Variants in NBEAL1 observed in about 807,000 individuals in gnomAD.
The protein encoded by NBEAL1 is neurobeachin like 1.
In NBEAL1, 273 loss-of-function variants were observed where a neutral mutation model predicts 351.3. That is an observed-to-expected ratio of 0.78 (90% confidence interval 0.70 to 0.86). NBEAL1 has a LOEUF of 0.86. Ranked by LOEUF, NBEAL1 falls within the 40% of genes least tolerant of loss-of-function variation. The pLI, the probability that NBEAL1 is intolerant of heterozygous loss-of-function variation, is 0.00. For missense variants in NBEAL1, 2,961 were observed against 3,201.3 expected (o/e 0.92, Z 1.81); for synonymous variants, 1,050 against 1,086.4 (o/e 0.97, Z 0.66).
At position 203,144,586 on chromosome 2, in the gene NBEAL1, C is replaced by T. The variant is rs1223080925; in HGVS notation, c.4849-14C>T. The stretch of plus-strand genomic sequence containing the variant: ...TTTAGTCTGCTCTTTCTCATCTAAA[C>T]TGTTTTCCTCCAGGTTTGTGCAATG... On this transcript the variant is annotated splice_polypyrimidine_tract_variant and intron_variant, in intron 31 of 55. Transcript: ENST00000683969. 6.3e-7 allele frequency: 1 copy of T among 1,595,064 alleles called. No homozygotes were observed. The highest frequency in any genetic ancestry group is 8.5e-7 in the Non-Finnish European group (1 of 1,170,340).
intron 31 of NBEAL1, among the ~76,000 whole-genome samples, chr2:203,140,392 G>A (rs983766904): frequency 6.6e-6 from 1 of 151,676 alleles, no homozygotes; most frequent in African/African-American, 2.4e-5. Context: ...TAGCATTTTA[G>A]TACGTTACTT....
chr2:203,213,739 C>T, intron 55 of NBEAL1, 86 bp downstream of exon 55: 1 of 1,566,410 alleles, frequency 6.4e-7, no homozygotes, highest in Non-Finnish European at 8.6e-7. Flanking sequence ...GAGAAGTCAC[C>T]ATTAGGGATA....
intron 51 of NBEAL1, among the ~76,000 whole-genome samples, chr2:203,206,384 CTCCCTCTCCCTCTCTCCCTCTGTCCCTT>C (rs1475986302): frequency 9.2e-5 from 14 of 152,220 alleles, no homozygotes; most frequent in African/African-American, 3.4e-4. Flanking sequence ...GTCTCTCCCT[CTCCCTCTCCCTCTCTCCCTCTGTCCCTT>C]TCCCTCTCCC....
chr2:203,066,439 T>C (rs1276439853), intron 6 of NBEAL1, among the ~76,000 whole-genome samples: 1 of 152,152 alleles, frequency 6.6e-6, no homozygotes, highest in African/African-American at 2.4e-5. Flanking sequence ...GAATTTTTCT[T>C]AGTACAGAAC....
intron 17 of NBEAL1, among the ~76,000 whole-genome samples, chr2:203,115,379 C>T (rs995765030): frequency 6.6e-6 from 1 of 152,008 alleles, no homozygotes; most frequent in Non-Finnish European, 1.5e-5. Context: ...CCGCCTCAGC[C>T]TCTCTAAGTG....
Position 203,178,447 on chromosome 2 carries a change from G to A in NBEAL1, c.6465-1935G>A, listed in dbSNP as rs373013951. ...CTACCAAAGTGCTGGGATTACAGGC[G>A]TGAGCCACCTCACCTGGCCATACCC... is the stretch of plus-strand genomic sequence containing the variant. On this transcript the variant is annotated intron_variant, in intron 42 of 55. Transcript: ENST00000683969. Among the ~76,000 whole-genome samples, 11 of 152,174 alleles carry A rather than the reference G, an allele frequency of 7.2e-5. No individual in the cohort carries two copies. In the East Asian group the frequency reaches 1.5e-3, roughly 21 times the overall value.
Position 203,141,366 on chromosome 2 carries a change from ATTTTTTTTTTTTTTTT to A in NBEAL1, c.4848+2635_4848+2650del, listed in dbSNP as rs71034219. ...GATTATTATTATTATTATTATTATT[ATTTTTTTTTTTTTTTT>A]TTTTTTTTTTTTTTTTCAGATGGAG... is the stretch of plus-strand genomic sequence containing the variant. On this transcript the variant is annotated intron_variant, in intron 31 of 55. Coordinates refer to ENST00000683969, the MANE Select transcript of NBEAL1 (RefSeq NM_001378026.1). 8.8e-4 allele frequency among the ~76,000 whole-genome samples: 8 copies of A among 9,108 alleles called. 1 individual carries two copies. In the South Asian group the frequency reaches 0.032, roughly 36 times the overall value. 6.0% of individuals were successfully genotyped at this position (9,108 alleles called of 152,430 possible).
At chr2:203,127,995 C>G (rs1161330218) in intron 24 of NBEAL1, 58 bp downstream of exon 24, 1 of 1,265,800 alleles carries the variant, frequency 7.9e-7, no homozygotes, top group African/African-American at 1.5e-5. Flanking sequence ...GCTACATCAT[C>G]TTCTGAACGT....
chr2:203,173,252 GTAA>G (rs1288417596), intron 41 of NBEAL1, among the ~76,000 whole-genome samples: 1 of 152,068 alleles, frequency 6.6e-6, no homozygotes, highest in Non-Finnish European at 1.5e-5. Flanking sequence ...TGTGTTTTCA[GTAA>G]TAATGTGAAT....
At chr2:203,070,359 C>CTTTTTTT (rs34588218) in intron 7 of NBEAL1, among the ~76,000 whole-genome samples, 5 of 92,338 alleles carry the variant, frequency 5.4e-5, no homozygotes, top group African/African-American at 8.4e-5. Flanking sequence ...CTCTCTCTCT[C>CTTTTTTT]TTTTTTTTTT....
rs192911401 is a variant in NBEAL1 at position 203,031,122 on chromosome 2, A to G, written c.52-10643A>G. Reference sequence around the variant, plus strand: ...TTATTTCCTGATGTATGAATTGACCATACCAGGTTCTCATTGTTTTGAAAT... The same window carrying G: ...TTATTTCCTGATGTATGAATTGACCGTACCAGGTTCTCATTGTTTTGAAAT... On this transcript the variant is annotated intron_variant, in intron 2 of 55. Coordinates refer to ENST00000683969, the MANE Select transcript of NBEAL1 (RefSeq NM_001378026.1). Among the ~76,000 whole-genome samples the G allele has an allele frequency of 6.6e-4, 100 of 152,356 alleles. 1 individual carries two copies. The highest frequency in any genetic ancestry group is 1.2e-3 in the Admixed American group (18 of 15,304).
rs1317393476 is a variant in NBEAL1 at position 203,222,887 on chromosome 2, A to G, written c.*5533A>G. ...GTATGGAAATAATCTTTAATTTTTT[A>G]TAGGTATAACAGAGAAGAACGCATT... On this transcript the variant is annotated 3_prime_UTR_variant, in exon 56 of 56. Coordinates refer to ENST00000683969, the MANE Select transcript of NBEAL1 (RefSeq NM_001378026.1). Among the ~76,000 whole-genome samples, 1 of 152,184 alleles carries G rather than the reference A, an allele frequency of 6.6e-6. No homozygotes were observed. Among genetic ancestry groups the G allele is most frequent in the Non-Finnish European group, 1.5e-5 (1 of 68,020 alleles).
chr2:203,158,776 A>ACTG (rs2063864364), intron 36 of NBEAL1, among the ~76,000 whole-genome samples: 1 of 149,334 alleles, frequency 6.7e-6, no homozygotes. Context: ...TCAGCCTAAA[A>ACTG]GACTTTCTCC....
intron 41 of NBEAL1, among the ~76,000 whole-genome samples, chr2:203,173,825 G>T (rs867698454): frequency 1.6e-4 from 24 of 152,128 alleles, no homozygotes; most frequent in Middle Eastern, 3.4e-3. Flanking sequence ...GCTTTGACCT[G>T]AAAACTTTTT....
chr2:203,066,561 A>G (rs889146464), intron 6 of NBEAL1, among the ~76,000 whole-genome samples: 1 of 151,868 alleles, frequency 6.6e-6, no homozygotes, highest in African/African-American at 2.4e-5. Flanking sequence ...CGCCATCGTC[A>G]TCATGGCCCG....
chr2:203,137,320 G>T (rs1236540059), intron 29 of NBEAL1, among the ~76,000 whole-genome samples: 1 of 152,032 alleles, frequency 6.6e-6, no homozygotes, highest in African/African-American at 2.4e-5. Context: ...AAAACATATC[G>T]TTAAAATATC....
chr2:203,213,274 A>G (rs1428287255), intron 54 of NBEAL1, among the ~76,000 whole-genome samples: 1 of 152,138 alleles, frequency 6.6e-6, no homozygotes, highest in African/African-American at 2.4e-5. Context: ...ATTTTGTTTG[A>G]TTATATATGG....
At chr2:203,158,511 TA>T (rs903700019) in intron 36 of NBEAL1, among the ~76,000 whole-genome samples, 3 of 152,184 alleles carry the variant, frequency 2.0e-5, no homozygotes, top group African/African-American at 7.2e-5. Context: ...AAGCTCTCTT[TA>T]AGCAAATGTA....
intron 44 of NBEAL1, among the ~76,000 whole-genome samples, chr2:203,184,449 A>T (rs1461255100): frequency 6.6e-6 from 1 of 152,144 alleles, no homozygotes; most frequent in Non-Finnish European, 1.5e-5. Context: ...ATAAATAAAT[A>T]AAGTATTAGT....
Sources: allele counts gnomAD v4.1 joint callset (sites outside exome capture counted in the v4.1 genomes callset), GRCh38; gene constraint gnomAD v4.1.1; transcripts MANE v1.5; gene names NCBI Gene and HGNC (gene_info 2026-07-23, HGNC 2026-07-21).